Variants in ZC3H12B observed in about 807,000 individuals in gnomAD.
ZC3H12B encodes zinc finger CCCH-type containing 12B.
ZC3H12B carries 7 observed loss-of-function variants against 43.9 expected under a neutral mutation model. The ratio of observed to expected loss-of-function variants is 0.16; its 90% CI spans 0.09 to 0.30. ZC3H12B has a LOEUF of 0.30. ZC3H12B is among the 10% of genes least tolerant of loss of function. The pLI is 1.00. For synonymous variants in ZC3H12B, 222 were observed against 241.7 expected (o/e 0.92, Z 0.76); for missense variants, 475 against 670.2 (o/e 0.71, Z 3.22).
the ZC3H12B span, among the ~76,000 whole-genome samples, chrX:65,187,485 C>T: frequency 9.0e-6 from 1 of 111,363 alleles, no homozygotes; most frequent in Non-Finnish European, 1.9e-5. Flanking sequence ...TAGGAAAATA[C>T]ATTTCTAATT....
At chrX:65,473,285 G>A (rs1225911183) in intron 3 of ZC3H12B, among the ~76,000 whole-genome samples, 1 of 109,762 alleles carries the variant, frequency 9.1e-6, no homozygotes, top group African/African-American at 3.3e-5. Context: ...CAAAGTGCTG[G>A]GATCACAGGC....
At chrX:65,132,877 G>A in the ZC3H12B span, among the ~76,000 whole-genome samples, 78 of 111,377 alleles carry the variant, frequency 7.0e-4, no homozygotes, top group African/African-American at 2.4e-3. Flanking sequence ...GGAGGCTTCC[G>A]AGGTGATTGG....
At chrX:65,507,533 T>C (rs2068438069) in exon 5 of ZC3H12B, 1 of 112,590 alleles carries the variant, frequency 8.9e-6, no homozygotes, top group African/African-American at 3.2e-5. Flanking sequence ...TGTGTATTGT[T>C]GAGCTATAGT....
At chrX:65,074,720 C>T in the ZC3H12B span, among the ~76,000 whole-genome samples, 1 of 111,410 alleles carries the variant, frequency 9.0e-6, no homozygotes, top group Non-Finnish European at 1.9e-5. Context: ...TTTGTGGCTT[C>T]TTTCTTCTGG....
chrX:65,345,943 A>G, the ZC3H12B span, among the ~76,000 whole-genome samples: 1 of 111,528 alleles, frequency 9.0e-6, no homozygotes, highest in African/African-American at 3.3e-5. Context: ...GAAGAACTAC[A>G]AAACACTGCT....
At chrX:65,071,653 C>G in the ZC3H12B span, among the ~76,000 whole-genome samples, 89 of 111,607 alleles carry the variant, frequency 8.0e-4, no homozygotes, top group African/African-American at 2.8e-3. Context: ...CTGGTGGTAA[C>G]GAATTCCCTA....
the ZC3H12B span, among the ~76,000 whole-genome samples, chrX:65,035,006 C>T: frequency 8.9e-6 from 1 of 112,506 alleles, no homozygotes; most frequent in Non-Finnish European, 1.9e-5. Flanking sequence ...CCAGGAGGGT[C>T]CGGGCCGCTG....
chrX:65,412,829 C>CTGTTT (rs773961465), intron 3 of ZC3H12B, among the ~76,000 whole-genome samples: 140 of 98,863 alleles, frequency 1.4e-3, no homozygotes, highest in Middle Eastern at 9.6e-3. Flanking sequence ...TATGTAAATT[C>CTGTTT]TGTTTTGTTT....
chrX:65,207,362 T>A, the ZC3H12B span, among the ~76,000 whole-genome samples: 10 of 109,973 alleles, frequency 9.1e-5, no homozygotes, highest in South Asian at 3.5e-3. Flanking sequence ...AGACTATTAT[T>A]CTAAGTGAAG....
intron 3 of ZC3H12B, among the ~76,000 whole-genome samples, chrX:65,458,451 A>G (rs1444672567): frequency 4.5e-5 from 5 of 111,773 alleles, no homozygotes; most frequent in Non-Finnish European, 9.4e-5. Context: ...TTGACCACAT[A>G]GTTGGAAGTA....
chrX:65,281,298 G>A, the ZC3H12B span, among the ~76,000 whole-genome samples: 46 of 106,030 alleles, frequency 4.3e-4, no homozygotes, highest in Non-Finnish European at 7.4e-4. Context: ...GCAGAGGAGC[G>A]ATTTCGGCTC....
At chrX:65,377,056 T>TA (rs1327828270) in intron 2 of ZC3H12B, among the ~76,000 whole-genome samples, 2 of 109,919 alleles carry the variant, frequency 1.8e-5, no homozygotes, top group African/African-American at 6.6e-5. Context: ...ATAAATTTAA[T>TA]AAAAAGATTC....
intron 3 of ZC3H12B, among the ~76,000 whole-genome samples, chrX:65,455,441 G>A (rs1010061925): frequency 6.0e-4 from 67 of 111,905 alleles, no homozygotes; most frequent in African/African-American, 1.9e-3. Flanking sequence ...AGAATAAAAA[G>A]AAACGAATAA....
At chrX:65,160,355 C>T in the ZC3H12B span, among the ~76,000 whole-genome samples, 2 of 111,387 alleles carry the variant, frequency 1.8e-5, no homozygotes, top group African/African-American at 3.3e-5. Flanking sequence ...CCTCCTTGTA[C>T]CTCTGGTAGA....
chrX:65,258,980 T>C, the ZC3H12B span, among the ~76,000 whole-genome samples: 1 of 112,013 alleles, frequency 8.9e-6, no homozygotes, highest in Non-Finnish European at 1.9e-5. Context: ...ATCATTAAAA[T>C]GCCCATACTG....
At chrX:65,260,571 A>C in the ZC3H12B span, among the ~76,000 whole-genome samples, 1 of 111,967 alleles carries the variant, frequency 8.9e-6, no homozygotes, top group Non-Finnish European at 1.9e-5. Context: ...CCTAAAATAA[A>C]TGTTTAAAAA....
the ZC3H12B span, chrX:65,328,102 T>A: frequency 3.9e-6 from 1 of 253,250 alleles, no homozygotes; most frequent in Non-Finnish European, 8.0e-6. Flanking sequence ...AATTCAGTAA[T>A]AAAGCAAGGC....
the ZC3H12B span, among the ~76,000 whole-genome samples, chrX:65,245,621 G>C: frequency 9.0e-6 from 1 of 111,541 alleles, no homozygotes; most frequent in Non-Finnish European, 1.9e-5. Flanking sequence ...TGCGGAAAAG[G>C]CTTTTGATAA....
chrX:65,257,181 C>T, the ZC3H12B span, among the ~76,000 whole-genome samples: 1 of 112,001 alleles, frequency 8.9e-6, no homozygotes, highest in East Asian at 2.8e-4. Context: ...CTATTCACAA[C>T]AGCAAAGACT....
Sources: gnomAD v4.1 joint callset for allele counts (sites outside exome capture counted in the v4.1 genomes callset) on GRCh38, gnomAD v4.1.1 for gene constraint, MANE v1.5 for transcripts, NCBI Gene and HGNC (gene_info 2026-07-23, HGNC 2026-07-21) for gene names.